LHFPL3: variants seen among roughly 807,000 people sequenced by gnomAD.
LHFPL3 encodes LHFPL tetraspan subfamily member 3.
A neutral mutation model predicts 19.3 loss-of-function variants in LHFPL3; 5 were observed. The ratio of observed to expected loss-of-function variants is 0.26; its 90% CI spans 0.14 to 0.54. The LOEUF (loss-of-function observed/expected upper bound fraction) is 0.54, where lower values mean the gene tolerates loss of function less well. Ranked by LOEUF, LHFPL3 falls within the 20% of genes least tolerant of loss-of-function variation. The probability of loss-of-function intolerance (pLI) is 0.94; values close to 1 mark genes in which losing one functional copy is unlikely to be tolerated. For synonymous variants in LHFPL3, 133 were observed against 126.2 expected (o/e 1.05, Z -0.36); for missense variants, 249 against 307.4 (o/e 0.81, Z 1.42).
chr7:104,694,708 A>G (rs1792966490), intron 1 of LHFPL3, among the ~76,000 whole-genome samples: 1 of 152,242 alleles, frequency 6.6e-6, no homozygotes. Context: ...GGCCAGTATC[A>G]TACAGGCAGT....
At chr7:104,866,822 G>A (rs955630952) in intron 2 of LHFPL3, among the ~76,000 whole-genome samples, 6 of 152,262 alleles carry the variant, frequency 3.9e-5, no homozygotes, top group Non-Finnish European at 7.3e-5. Flanking sequence ...CCACATAGTA[G>A]GAAGTAAAGC....
chr7:104,545,774 A>C (rs1251684650), intron 1 of LHFPL3, among the ~76,000 whole-genome samples: 1 of 152,204 alleles, frequency 6.6e-6, no homozygotes, highest in Admixed American at 6.6e-5. Context: ...ATTGGAGCTC[A>C]CTGCTTTAGC....
At chr7:104,777,016 G>A (rs1294716281) in intron 2 of LHFPL3, among the ~76,000 whole-genome samples, 1 of 152,214 alleles carries the variant, frequency 6.6e-6, no homozygotes, top group Non-Finnish European at 1.5e-5. Flanking sequence ...AGTGTCATCT[G>A]GAGGGCACAG....
chr7:104,343,101 G>C (rs1385251325), intron 1 of LHFPL3, among the ~76,000 whole-genome samples: 1 of 151,638 alleles, frequency 6.6e-6, no homozygotes, highest in Admixed American at 6.6e-5. Flanking sequence ...TCAAGAAATG[G>C]AATGAGTCTC....
chr7:104,751,077 A>G (rs2116344364), intron 2 of LHFPL3, among the ~76,000 whole-genome samples: 1 of 137,232 alleles, frequency 7.3e-6, no homozygotes, highest in Admixed American at 7.8e-5. Context: ...TTGTCCTCCT[A>G]AAACAACTTC....
chr7:104,775,290 G>C (rs1794620523), intron 2 of LHFPL3, among the ~76,000 whole-genome samples: 3 of 152,230 alleles, frequency 2.0e-5, no homozygotes, highest in African/African-American at 7.2e-5. Flanking sequence ...CAACTACTCA[G>C]GAGGCTGAGG....
intron 1 of LHFPL3, among the ~76,000 whole-genome samples, chr7:104,520,000 A>G (rs567209492): frequency 5.3e-5 from 8 of 152,026 alleles, no homozygotes; most frequent in African/African-American, 1.9e-4. Flanking sequence ...ATTAGTGGTG[A>G]GAAAGGGCAT....
chr7:104,520,158 G>T (rs573789808), intron 1 of LHFPL3, among the ~76,000 whole-genome samples: 584 of 151,960 alleles, frequency 3.8e-3, no homozygotes, highest in Admixed American at 6.0e-3. Flanking sequence ...TAGCATGAAG[G>T]GTTGTTGAAT....
intron 1 of LHFPL3, among the ~76,000 whole-genome samples, chr7:104,703,057 T>G (rs1793131238): frequency 6.6e-6 from 1 of 152,240 alleles, no homozygotes; most frequent in African/African-American, 2.4e-5. Context: ...TTCTAGATGA[T>G]TTTTTAACTT....
intron 2 of LHFPL3, among the ~76,000 whole-genome samples, chr7:104,758,220 G>A (rs1794318026): frequency 6.6e-6 from 1 of 152,116 alleles, no homozygotes; most frequent in Non-Finnish European, 1.5e-5. Context: ...CAGGCAAAGG[G>A]TTGAAAAACT....
intron 1 of LHFPL3, among the ~76,000 whole-genome samples, chr7:104,418,876 C>T (rs1293235847): frequency 6.6e-6 from 1 of 152,202 alleles, no homozygotes; most frequent in Non-Finnish European, 1.5e-5. Flanking sequence ...TCTGCTGTGT[C>T]AGGCACCGTG....
chr7:104,466,932 ACTGT>A (rs1456179430), intron 1 of LHFPL3, among the ~76,000 whole-genome samples: 8 of 152,108 alleles, frequency 5.3e-5, no homozygotes, highest in African/African-American at 1.4e-4. Flanking sequence ...TCCTGCCATA[ACTGT>A]CTGTCTCTTT....
intron 1 of LHFPL3, among the ~76,000 whole-genome samples, chr7:104,462,504 T>A (rs2115577111): frequency 6.6e-6 from 1 of 152,304 alleles, no homozygotes; most frequent in Non-Finnish European, 1.5e-5. Context: ...TCTATTGAGA[T>A]TTATCTTTAG....
rs111402531 is a variant in LHFPL3, at chr7:104,684,768, C to A, written c.446-51907C>A. ...GCCCTAGACACTCTACCCTGCCATT[C>A]CCTGCCAGGACCAGCCCAGGGCAGA... On this transcript the variant is annotated intron_variant, in intron 1 of 2. Transcript: ENST00000424859. Among the ~76,000 whole-genome samples the A allele has an allele frequency of 3.7e-3, 565 of 152,282 alleles. 1 individual carries two copies. The highest frequency in any genetic ancestry group is 0.013 in the African/African-American group (536 of 41,560).
chr7:104,508,240 A>C (rs953761874), intron 1 of LHFPL3, among the ~76,000 whole-genome samples: 54 of 152,052 alleles, frequency 3.6e-4, no homozygotes, highest in African/African-American at 1.2e-3. Context: ...CTGGATTAAG[A>C]AAATGTGGCA....
intron 1 of LHFPL3, among the ~76,000 whole-genome samples, chr7:104,690,733 G>A (rs754754905): frequency 3.9e-5 from 6 of 152,224 alleles, no homozygotes; most frequent in Non-Finnish European, 7.3e-5. Flanking sequence ...ATGCCTAAGG[G>A]CCTATTTGGA....
At chr7:104,799,693 G>A (rs1229116749) in intron 2 of LHFPL3, 1 of 152,770 alleles carries the variant, frequency 6.5e-6, no homozygotes, top group Non-Finnish European at 1.5e-5. Context: ...GATGGAAGCA[G>A]GGACCCCTGC....
chr7:104,902,296 C>T (rs980888839), intron 2 of LHFPL3, among the ~76,000 whole-genome samples: 1 of 151,780 alleles, frequency 6.6e-6, no homozygotes, highest in East Asian at 1.9e-4. Flanking sequence ...GTGGGAGGAT[C>T]ATTTGAGCCT....
At chr7:104,799,664 C>G (rs965904770) in intron 2 of LHFPL3, 5 of 152,672 alleles carry the variant, frequency 3.3e-5, no homozygotes, top group African/African-American at 1.2e-4. Flanking sequence ...CTTCTGCCCT[C>G]TCTGCCTGCA....
Sources: gnomAD v4.1 joint callset for allele counts (sites outside exome capture counted in the v4.1 genomes callset) on GRCh38, gnomAD v4.1.1 for gene constraint, MANE v1.5 for transcripts, NCBI Gene and HGNC (gene_info 2026-07-23, HGNC 2026-07-21) for gene names.